The following TM9SF4 variants were observed in gnomAD, a reference collection of about 807,000 sequenced individuals.
TM9SF4 encodes transmembrane 9 superfamily member 4.
A neutral mutation model predicts 90.4 loss-of-function variants in TM9SF4; 26 were observed. The observed-to-expected ratio is 0.29, with a 90% CI of 0.21 to 0.40. TM9SF4 has a LOEUF of 0.40. TM9SF4 is among the 10% of genes least tolerant of loss of function. The pLI, the probability that TM9SF4 is intolerant of heterozygous loss-of-function variation, is 1.00. For missense variants in TM9SF4, 549 were observed against 834.8 expected (o/e 0.66, Z 4.22); for synonymous variants, 293 against 315.4 (o/e 0.93, Z 0.75).
chr20:32,153,921 G>A, intron 12 of TM9SF4, among the ~76,000 whole-genome samples: 1 of 152,146 alleles, frequency 6.6e-6, no homozygotes, highest in East Asian at 1.9e-4. Context: ...ACCTTCAGGA[G>A]GCTGGGTGAC....
chr20:32,143,822 A>G (rs1308659279), intron 6 of TM9SF4, among the ~76,000 whole-genome samples: 3 of 151,972 alleles, frequency 2.0e-5, no homozygotes, highest in Admixed American at 2.0e-4. Flanking sequence ...GCTCCATAGC[A>G]CATCTCCCCT....
rs1292585470 is a variant in TM9SF4, at chr20:32,115,799, ACTTTAAG to A, written c.15+6049_15+6055del. ...TATTGTGGTAATAACAAAACCTACC[ACTTTAAG>A]CTTTTTTTTTTTTTTTTTTTTTTTT... On this transcript the variant is annotated intron_variant, in intron 1 of 17. Coordinates refer to ENST00000398022, the MANE Select transcript of TM9SF4 (RefSeq NM_014742.4). Among the ~76,000 whole-genome samples, 21 of 122,008 alleles carry A rather than the reference ACTTTAAG, an allele frequency of 1.7e-4. 1 individual carries two copies. Among genetic ancestry groups the A allele is most frequent in the Non-Finnish European group, 3.4e-4 (20 of 58,996 alleles). The allele number at this position is 122,008 out of a possible 152,430, so 80.0% of individuals were successfully genotyped here.
chr20:32,149,467 C>T (rs2122436206), intron 9 of TM9SF4, among the ~76,000 whole-genome samples, 167 bp from the exon 10 acceptor site: 1 of 152,316 alleles, frequency 6.6e-6, no homozygotes, highest in Middle Eastern at 3.4e-3. Context: ...TTGTGGCCTC[C>T]TTTTCTTGTG....
intron 3 of TM9SF4, among the ~76,000 whole-genome samples, chr20:32,140,047 A>T (rs1187107231): frequency 2.6e-5 from 4 of 152,244 alleles, no homozygotes; most frequent in Non-Finnish European, 4.4e-5. Context: ...TCAACTTTGC[A>T]TCTTTAGGGC....
chr20:32,149,779 A>C lies in TM9SF4; in HGVS notation c.1087+13A>C. The C allele has an allele frequency of 1.9e-6, 3 of 1,613,682 alleles. No individual in the cohort carries two copies. The highest frequency in any genetic ancestry group is 2.5e-6 in the Non-Finnish European group (3 of 1,179,662). On this transcript the variant is annotated intron_variant, in intron 10 of 17. Coordinates refer to ENST00000398022, the MANE Select transcript of TM9SF4 (RefSeq NM_014742.4). ...CTCATCGTCATCTGTGAGTGTGCCC[A>C]GCGGGGCCGGGCATGGGGGCATGGC...
At chr20:32,146,663 C>G in intron 8 of TM9SF4, 122 bp from the exon 9 acceptor site, 2 of 901,740 alleles carry the variant, frequency 2.2e-6, no homozygotes, top group Non-Finnish European at 3.4e-6. Flanking sequence ...ATAGCCAGTT[C>G]ATAATGGAGC....
intron 9 of TM9SF4, among the ~76,000 whole-genome samples, 194 bp from the exon 10 acceptor site, chr20:32,149,440 A>G (rs1298950578): frequency 6.6e-6 from 1 of 152,168 alleles, no homozygotes; most frequent in Non-Finnish European, 1.5e-5. Flanking sequence ...CCTTTTACGC[A>G]TCTACAGGCA....
At chr20:32,122,654 G>A (rs1440828517) in intron 1 of TM9SF4, among the ~76,000 whole-genome samples, 31 of 150,828 alleles carry the variant, frequency 2.1e-4, no homozygotes, top group African/African-American at 7.3e-4. Context: ...ATGGGATGGC[G>A]GCCGGGCAGA....
rs1455404205 is a variant in TM9SF4 at position 32,165,187 on chromosome 20, CT to C, written c.1780-107del. The C allele has an allele frequency of 8.7e-6, 13 of 1,490,514 alleles. No homozygotes were observed. In the East Asian group the frequency reaches 2.7e-4, roughly 31 times the overall value. 92.3% of individuals were successfully genotyped at this position (1,490,514 alleles called of 1,614,324 possible). A position where few individuals can be genotyped will look rare whatever the true frequency, so the allele number is the denominator to read the frequency against. On this transcript the variant is annotated intron_variant, in intron 17 of 17. Coordinates refer to ENST00000398022, the MANE Select transcript of TM9SF4 (RefSeq NM_014742.4). ...CACCCACTGGAGCACGCCCCTTCCC[CT>C]GGCCAGGCCTCAGTTTCCCCATGAT...
At chr20:32,117,223 C>CAAAAAAAAAAAA (rs34453961) in intron 1 of TM9SF4, among the ~76,000 whole-genome samples, 1 of 68,258 alleles carries the variant, frequency 1.5e-5, no homozygotes, top group Non-Finnish European at 2.8e-5. Flanking sequence ...GACTCTGTCT[C>CAAAAAAAAAAAA]AAAAAAAAAA....
chr20:32,130,047 C>G (rs745777355), intron 1 of TM9SF4, among the ~76,000 whole-genome samples: 1 of 152,110 alleles, frequency 6.6e-6, no homozygotes, highest in African/African-American at 2.4e-5. Context: ...CAGATAAACC[C>G]GCAGTAGTGT....
Position 32,122,489 on chromosome 20 carries a change from C to T in TM9SF4, c.16-10524C>T, listed in dbSNP as rs543668294. 1.2e-4 allele frequency among the ~76,000 whole-genome samples: 17 copies of T among 146,118 alleles called. No individual in the cohort carries two copies. The South Asian group carries it at 2.3e-3, about 20-fold the overall frequency. On this transcript the variant is annotated intron_variant, in intron 1 of 17. Coordinates refer to ENST00000398022, the MANE Select transcript of TM9SF4 (RefSeq NM_014742.4). The stretch of plus-strand genomic sequence containing the variant: ...GCGGAGGGTCTCCTCACTTCTCAGA[C>T]GGGGCGGCCGGGCAGAGACGCTCCT...
intron 6 of TM9SF4, 25 bp from the exon 7 acceptor site, chr20:32,145,066 C>T (rs1569086699): frequency 6.2e-7 from 1 of 1,610,778 alleles, no homozygotes; most frequent in Non-Finnish European, 8.5e-7. Flanking sequence ...ACCACAGGAA[C>T]AGACTGAGTC....
At chr20:32,119,621 A>G (rs924721321) in intron 1 of TM9SF4, among the ~76,000 whole-genome samples, 1 of 152,098 alleles carries the variant, frequency 6.6e-6, no homozygotes, top group African/African-American at 2.4e-5. Flanking sequence ...TCTTTGGCCC[A>G]TCTTTTCATT....
chr20:32,163,359 A>G (rs1014398843), intron 17 of TM9SF4, among the ~76,000 whole-genome samples: 7 of 145,808 alleles, frequency 4.8e-5, no homozygotes, highest in Non-Finnish European at 1.0e-4. Flanking sequence ...AGCCCTGTGT[A>G]TCTTTTTTTG....
chr20:32,133,620 G>C (rs1189743928), intron 2 of TM9SF4, among the ~76,000 whole-genome samples: 2 of 152,180 alleles, frequency 1.3e-5, no homozygotes, highest in Non-Finnish European at 2.9e-5. Flanking sequence ...AACTTTTACT[G>C]AGGGTTATTT....
chr20:32,160,897 CCGAGA>C (rs2047006001), intron 16 of TM9SF4, among the ~76,000 whole-genome samples: 1 of 132,582 alleles, frequency 7.5e-6, no homozygotes, highest in Non-Finnish European at 1.5e-5. Flanking sequence ...TTGCAGTGAG[CCGAGA>C]TCGCACCACT....
At chr20:32,146,129 C>G (rs2046758950) in intron 8 of TM9SF4, among the ~76,000 whole-genome samples, 1 of 152,198 alleles carries the variant, frequency 6.6e-6, no homozygotes, top group South Asian at 2.1e-4. Flanking sequence ...AGCTGCTGAA[C>G]TAAGCACTTT....
intron 8 of TM9SF4, among the ~76,000 whole-genome samples, chr20:32,146,566 C>A (rs1371353667): frequency 6.6e-6 from 1 of 152,072 alleles, no homozygotes; most frequent in Non-Finnish European, 1.5e-5. Context: ...TCCCAGCAAC[C>A]CTTTCCTCCC....
Sources: gnomAD v4.1 joint callset for allele counts (sites outside exome capture counted in the v4.1 genomes callset) on GRCh38, gnomAD v4.1.1 for gene constraint, MANE v1.5 for transcripts, NCBI Gene and HGNC (gene_info 2026-07-23, HGNC 2026-07-21) for gene names.